Variants in PLCH1 observed in about 807,000 individuals in gnomAD.
PLCH1 encodes 1-phosphatidylinositol 4,5-bisphosphate phosphodiesterase eta-1.
In PLCH1, 60 loss-of-function variants were observed where a neutral mutation model predicts 126.7. The observed-to-expected ratio is 0.47, with a 90% confidence interval of 0.38 to 0.59. PLCH1 has a LOEUF of 0.59. Ranked by LOEUF, PLCH1 falls within the 20% of genes least tolerant of loss-of-function variation. The probability of loss-of-function intolerance (pLI) is 0.00; values close to 1 mark genes in which losing one functional copy is unlikely to be tolerated. For synonymous variants in PLCH1, 719 were observed against 734.9 expected, an observed-to-expected ratio of 0.98 and a Z score of 0.35; for missense variants, 1,723 against 2,040.0, an observed-to-expected ratio of 0.84 and a Z score of 2.99.
intron 11 of PLCH1, among the ~76,000 whole-genome samples, chr3:155,522,934 CCTGG>C (rs1222748335): frequency 1.4e-5 from 2 of 144,882 alleles, no homozygotes; most frequent in African/African-American, 5.3e-5. Flanking sequence ...CCTTGGATCA[CCTGG>C]CTAAATGATG....
chr3:155,543,557 G>A (rs6777148), intron 10 of PLCH1, among the ~76,000 whole-genome samples: 123,585 of 152,040 alleles, frequency 0.81, 52,033 homozygotes, highest in Middle Eastern at 0.95. Flanking sequence ...GATACTCCTC[G>A]AGAAAAGCAA....
chr3:155,728,178 A>C (rs1748485702), intron 1 of PLCH1, among the ~76,000 whole-genome samples: 1 of 152,148 alleles, frequency 6.6e-6, no homozygotes, highest in Non-Finnish European at 1.5e-5. Flanking sequence ...TTTTATCCAG[A>C]ATTTTTAAAT....
intron 2 of PLCH1, among the ~76,000 whole-genome samples, chr3:155,636,746 C>A (rs1195130404): frequency 3.1e-4 from 43 of 139,794 alleles, no homozygotes; most frequent in South Asian, 9.2e-4. Context: ...AACTCCATCT[C>A]AAAAAAAAAA....
chr3:155,679,133 A>C (rs1229305123), intron 2 of PLCH1, among the ~76,000 whole-genome samples: 2 of 152,224 alleles, frequency 1.3e-5, no homozygotes, highest in Non-Finnish European at 2.9e-5. Context: ...TAGGGTTGTC[A>C]TATAAAACAA....
chr3:155,499,377 C>T (rs980474917), intron 14 of PLCH1, among the ~76,000 whole-genome samples: 1 of 152,170 alleles, frequency 6.6e-6, no homozygotes, highest in Admixed American at 6.5e-5. Context: ...TCTATAGCCA[C>T]TGGTGAAAAT....
chr3:155,634,220 AG>A (rs1233153713), intron 2 of PLCH1, among the ~76,000 whole-genome samples: 17 of 152,226 alleles, frequency 1.1e-4, no homozygotes, highest in Non-Finnish European at 1.6e-4. Context: ...TGACCAAAAG[AG>A]GGCTGTAAGA....
At chr3:155,711,807 T>C (rs1272212959) in intron 1 of PLCH1, among the ~76,000 whole-genome samples, 1 of 152,150 alleles carries the variant, frequency 6.6e-6, no homozygotes, top group Non-Finnish European at 1.5e-5. Context: ...GATTTCTGTT[T>C]GAACTCTTGG....
At chr3:155,548,664 C>T (rs2108442295) in intron 10 of PLCH1, among the ~76,000 whole-genome samples, 1 of 152,242 alleles carries the variant, frequency 6.6e-6, no homozygotes, top group Admixed American at 6.5e-5. Context: ...ATTTTCTAAC[C>T]CACAAATCAA....
intron 1 of PLCH1, among the ~76,000 whole-genome samples, chr3:155,722,621 A>G (rs1446590811): frequency 6.6e-6 from 1 of 152,204 alleles, no homozygotes; most frequent in Non-Finnish European, 1.5e-5. Flanking sequence ...GGTGTATCAT[A>G]TTCATTGATT....
In PLCH1 at chr3:155,498,359, A is replaced by G. The variant is rs572694692; in HGVS notation, c.1797-942T>C. ...AAACAACATATATATAGGGTTCACT[A>G]CCATCTGTGGTTTCAGGCATCCACT... On this transcript the variant is annotated intron_variant, in intron 14 of 22. Coordinates refer to ENST00000460012, the MANE Select transcript of PLCH1 (RefSeq NM_014996.4). Among the ~76,000 whole-genome samples the G allele has an allele frequency of 1.4e-4, 22 of 152,348 alleles. No individual in the cohort carries two copies. In the East Asian group the frequency reaches 4.2e-3, roughly 29 times the overall value.
intron 2 of PLCH1, among the ~76,000 whole-genome samples, chr3:155,681,335 A>C (rs1744516943): frequency 6.6e-6 from 1 of 152,250 alleles, no homozygotes; most frequent in South Asian, 2.1e-4. Context: ...TACTGTTCCT[A>C]GCATTGCACA....
intron 2 of PLCH1, chr3:155,675,959 T>C (rs577434579): frequency 4.6e-6 from 5 of 1,090,394 alleles, no homozygotes; most frequent in Non-Finnish European, 6.8e-6. Context: ...TTACTAGGAC[T>C]ATTACACTTA....
intron 6 of PLCH1, among the ~76,000 whole-genome samples, chr3:155,582,275 G>A (rs1730817315): frequency 6.6e-6 from 1 of 150,508 alleles, no homozygotes; most frequent in African/African-American, 2.4e-5. Context: ...TAGAGACTGG[G>A]TTTCGCCATG....
At chr3:155,566,070 C>G (rs1261727436) in intron 7 of PLCH1, among the ~76,000 whole-genome samples, 1 of 141,940 alleles carries the variant, frequency 7.0e-6, no homozygotes, top group Non-Finnish European at 1.5e-5. Context: ...TGAAATGTGA[C>G]TTTTAGGAAT....
intron 2 of PLCH1, chr3:155,676,014 T>C: frequency 6.5e-7 from 1 of 1,537,618 alleles, no homozygotes; most frequent in African/African-American, 1.4e-5. Context: ...TGGACTTAAG[T>C]TTTTATACAC....
chr3:155,618,467 C>T (rs776860338), intron 2 of PLCH1, among the ~76,000 whole-genome samples: 72 of 152,132 alleles, frequency 4.7e-4, no homozygotes, highest in Admixed American at 2.6e-4. Context: ...TTGAGTTTAA[C>T]GTCTGGATAG....
intron 10 of PLCH1, among the ~76,000 whole-genome samples, chr3:155,527,247 C>G (rs1722073119): frequency 6.6e-6 from 1 of 152,188 alleles, no homozygotes; most frequent in African/African-American, 2.4e-5. Flanking sequence ...TGTTCACATG[C>G]CTGACAGCCA....
At chr3:155,743,548 A>G (rs1256508450) in intron 1 of PLCH1, 3 of 453,202 alleles carry the variant, frequency 6.6e-6, no homozygotes, top group Non-Finnish European at 4.4e-6. Flanking sequence ...GAAAAAAAGA[A>G]AAAGAAAATG....
chr3:155,521,011 G>A (rs1258573304), intron 11 of PLCH1, among the ~76,000 whole-genome samples: 6 of 152,246 alleles, frequency 3.9e-5, no homozygotes, highest in Admixed American at 6.5e-5. Flanking sequence ...TGGCCTTTGC[G>A]CTTGGGGTTC....
Sources: gnomAD v4.1 joint callset for allele counts (sites outside exome capture counted in the v4.1 genomes callset) on GRCh38, gnomAD v4.1.1 for gene constraint, MANE v1.5 for transcripts, NCBI Gene and HGNC (gene_info 2026-07-23, HGNC 2026-07-21) for gene names.